PGAP3: variants seen among roughly 807,000 people sequenced by gnomAD.
The protein encoded by PGAP3 is post-GPI attachment to proteins phospholipase 3.
PGAP3 carries 31 observed loss-of-function variants against 40.3 expected under a neutral mutation model. The ratio of observed to expected loss-of-function variants is 0.77; its 90% confidence interval spans 0.58 to 1.04. The LOEUF is 1.04. Ranked by LOEUF, PGAP3 falls within the 50% of genes least tolerant of loss-of-function variation. PGAP3 has a pLI of 0.00. For synonymous variants in PGAP3, 191 were observed against 184.5 expected, an observed-to-expected ratio of 1.04 and a Z score of -0.29; for missense variants, 413 against 423.0, an observed-to-expected ratio of 0.98 and a Z score of 0.21.
intron 4 of PGAP3, 66 bp downstream of exon 4, chr17:39,674,551 C>G: frequency 6.8e-7 from 1 of 1,480,906 alleles, no homozygotes; most frequent in South Asian, 1.3e-5. Flanking sequence ...TCTAGAGCCC[C>G]TCTGCCCACT....
chr17:39,687,186 A>G (rs1395647351), intron 1 of PGAP3, among the ~76,000 whole-genome samples: 1 of 152,168 alleles, frequency 6.6e-6, no homozygotes, highest in African/African-American at 2.4e-5. Flanking sequence ...TGGAAACTCC[A>G]CTTTACTACA....
chr17:39,681,044 T>G lies in PGAP3; in HGVS notation c.432+3553A>C, dbSNP rs1367378913. 2.6e-5 allele frequency among the ~76,000 whole-genome samples: 4 copies of G among 152,106 alleles called. No homozygotes were observed. The East Asian group carries it at 7.7e-4, about 29-fold the overall frequency. ...GGCCTGGCTTATTTTTTTTGTATTT[T>G]TGGTAGAGACGGGGTTTCACCATGT... On this transcript the variant is annotated intron_variant, in intron 3 of 7. Coordinates refer to ENST00000300658, the MANE Select transcript of PGAP3 (RefSeq NM_033419.5).
At chr17:39,673,946 GC>G (rs1369193917) in intron 5 of PGAP3, 46 bp downstream of exon 5, 11 of 1,585,636 alleles carry the variant, frequency 6.9e-6, no homozygotes, top group Non-Finnish European at 7.8e-6. Flanking sequence ...ACCCCTTTCT[GC>G]CCCCAGGGTT....
chr17:39,685,496 A>C (rs553757453), intron 2 of PGAP3, among the ~76,000 whole-genome samples: 18 of 151,680 alleles, frequency 1.2e-4, no homozygotes, highest in Admixed American at 2.6e-4. Context: ...CATCTCAAAA[A>C]AAAAAACAAA....
In PGAP3 at chr17:39,672,698, G is replaced by A. The variant is rs976278728; in HGVS notation, c.*105C>T. The A allele has an allele frequency of 7.5e-6, 9 of 1,197,982 alleles. No homozygotes were observed. The African/African-American group carries it at 1.3e-4, about 18-fold the overall frequency. 74.2% of individuals were successfully genotyped at this position (1,197,982 alleles called of 1,614,324 possible). On this transcript the variant is annotated 3_prime_UTR_variant, in exon 8 of 8. Transcript: ENST00000300658. ...CTGGGCCCACATCCTTCATGTCCAA[G>A]TTCAAGAAGTTGAAAAGAGAAAATC... is the stretch of plus-strand genomic sequence containing the variant.
intron 3 of PGAP3, among the ~76,000 whole-genome samples, chr17:39,678,368 T>C (rs1026736755): frequency 6.6e-6 from 1 of 152,142 alleles, no homozygotes; most frequent in Non-Finnish European, 1.5e-5. Context: ...GGGGAATTGG[T>C]TTGGCCTTCT....
intron 3 of PGAP3, among the ~76,000 whole-genome samples, chr17:39,680,872 T>A (rs190662104): frequency 6.6e-6 from 1 of 151,798 alleles, no homozygotes; most frequent in Non-Finnish European, 1.5e-5. Flanking sequence ...TTTTTTTTTT[T>A]AAAGACAGGT....
intron 3 of PGAP3, among the ~76,000 whole-genome samples, chr17:39,675,968 A>C (rs1289584624): frequency 6.6e-6 from 1 of 152,052 alleles, no homozygotes; most frequent in Non-Finnish European, 1.5e-5. Context: ...CTCAAGTGAA[A>C]CTTCAGTTCC....
At chr17:39,681,594 C>T (rs1287870246) in intron 3 of PGAP3, among the ~76,000 whole-genome samples, 4 of 152,124 alleles carry the variant, frequency 2.6e-5, no homozygotes, top group East Asian at 3.9e-4. Context: ...CCGCAACCTC[C>T]GCCTTCCGGG....
rs960745108 is a variant in PGAP3 at position 39,674,930 on chromosome 17, C to A, written c.433-251G>T. Among the ~76,000 whole-genome samples the A allele has an allele frequency of 2.6e-5, 4 of 152,190 alleles. No homozygotes were observed. The South Asian group carries it at 8.3e-4, about 31-fold the overall frequency. ...GGGCTGCAGCCTCCACAGGTTCCGG[C>A]CTGGCCTGGGAACCAGTTCCGGTAT... is the stretch of plus-strand genomic sequence containing the variant. On this transcript the variant is annotated intron_variant, in intron 3 of 7. Coordinates refer to ENST00000300658, the MANE Select transcript of PGAP3 (RefSeq NM_033419.5).
At chr17:39,686,071 G>C (rs1193260975) in intron 1 of PGAP3, 52 bp from the exon 2 acceptor site, 1 of 1,533,866 alleles carries the variant, frequency 6.5e-7, no homozygotes, top group African/African-American at 1.4e-5. Context: ...AGAGGAAAGA[G>C]AGAGCATGAA....
At chr17:39,680,014 G>A (rs547151281) in intron 3 of PGAP3, among the ~76,000 whole-genome samples, 2 of 152,146 alleles carry the variant, frequency 1.3e-5, no homozygotes, top group Admixed American at 1.3e-4. Context: ...CTCTACCGGA[G>A]CACCCCTTGA....
intron 4 of PGAP3, 23 bp downstream of exon 4, chr17:39,674,594 G>A (rs1372208029): frequency 2.6e-6 from 4 of 1,546,234 alleles, no homozygotes; most frequent in South Asian, 2.4e-5. Flanking sequence ...CTGTGCAGGA[G>A]GGGGAGCTGG....
rs140001288 is a variant in PGAP3 at position 39,673,825 on chromosome 17, G to T, written c.557+168C>A. The T allele has an allele frequency of 6.6e-4, 787 of 1,199,612 alleles. 2 individuals carry two copies. The African/African-American group carries it at 0.01, about 15-fold the overall frequency. The allele number at this position is 1,199,612 out of a possible 1,614,324, so 74.3% of individuals were successfully genotyped here. A position where few individuals can be genotyped will look rare whatever the true frequency, so the allele number is the denominator to read the frequency against. ...GCTACAGCTCCTTGTCAGGAGCCAG[G>T]GCCCCCAGTCCTACCCCAGAGTCCT... On this transcript the variant is annotated intron_variant, in intron 5 of 7. Transcript: ENST00000300658.
At chr17:39,675,303 G>C (rs1336389666) in intron 3 of PGAP3, among the ~76,000 whole-genome samples, 1 of 151,932 alleles carries the variant, frequency 6.6e-6, no homozygotes, top group African/African-American at 2.4e-5. Flanking sequence ...GAGGGGCTGT[G>C]GTGGGCCAGG....
At chr17:39,673,713 A>G (rs1363102984) in intron 5 of PGAP3, 63 bp from the exon 6 acceptor site, 4 of 1,594,376 alleles carry the variant, frequency 2.5e-6, no homozygotes, top group Non-Finnish European at 3.4e-6. Context: ...GCATTCCCTG[A>G]AGCATCTCCT....
intron 3 of PGAP3, 116 bp downstream of exon 3, chr17:39,684,481 C>T (rs986660026): frequency 3.0e-5 from 39 of 1,293,714 alleles, no homozygotes; most frequent in African/African-American, 4.6e-5. Context: ...GCAACTTTAG[C>T]CCTGGGAAAC....
chr17:39,673,053 GA>G lies in PGAP3; in HGVS notation c.896del (p.Phe299SerfsTer12). ...ISTIPVHVLF[F>X]SFLEDDSLYL... ...ACCAGGCAGGGGGCAGCACCCACCT[GA>G]AAAAGAGGACGTGGACAGGGATGGT... On this transcript the variant is annotated frameshift_variant, in exon 7 of 8. Coordinates refer to ENST00000300658, the MANE Select transcript of PGAP3 (RefSeq NM_033419.5). LOFTEE classifies it high-confidence loss of function. 6.2e-7 allele frequency: 1 copy of G among 1,604,088 alleles called. No individual in the cohort carries two copies. The highest frequency in any genetic ancestry group is 1.1e-5 in the South Asian group (1 of 89,134).
intron 3 of PGAP3, among the ~76,000 whole-genome samples, chr17:39,678,886 T>A (rs541680216): frequency 2.0e-5 from 3 of 152,256 alleles, no homozygotes; most frequent in South Asian, 2.1e-4. Context: ...CCACATCCCA[T>A]AAGACACACA....
Sources: allele counts gnomAD v4.1 joint callset (sites outside exome capture counted in the v4.1 genomes callset), GRCh38; gene constraint gnomAD v4.1.1; transcripts MANE v1.5; gene names NCBI Gene and HGNC (gene_info 2026-07-23, HGNC 2026-07-21).